TSHZ1: variants seen among roughly 807,000 people sequenced by gnomAD.
TSHZ1 encodes the protein teashirt homolog 1.
Under a neutral mutation model 67.1 loss-of-function variants are expected in TSHZ1, and 12 were observed. The observed-to-expected ratio is 0.18, with a 90% CI of 0.11 to 0.29. TSHZ1 has a LOEUF of 0.29. TSHZ1 is among the 10% of genes least tolerant of loss of function. The probability of loss-of-function intolerance (pLI) is 1.00; values close to 1 mark genes in which losing one functional copy is unlikely to be tolerated. For missense variants in TSHZ1, 1,305 were observed against 1,413.9 expected (o/e 0.92, Z 1.23); for synonymous variants, 632 against 622.4 (o/e 1.02, Z -0.23).
chr18:75,246,271 C>T (rs1178003089), intron 1 of TSHZ1, among the ~76,000 whole-genome samples: 1 of 152,092 alleles, frequency 6.6e-6, no homozygotes, highest in East Asian at 1.9e-4. Context: ...ATGTAGCTAA[C>T]GTGTGTGGCA....
rs1314868541 is a variant in TSHZ1, at chr18:75,211,429, G to C, written c.-448G>C. ...GAGAGGGGGAGAGAAAGTTGCGCTC[G>C]GCGACTCTCGGCTCGCGGAAGAAGG... is the stretch of plus-strand genomic sequence containing the variant. On this transcript the variant is annotated 5_prime_UTR_variant, in exon 1 of 2. Coordinates refer to ENST00000580243, the MANE Select transcript of TSHZ1 (RefSeq NM_001308210.2). 6.6e-6 allele frequency: 1 copy of C among 151,560 alleles called. No homozygotes were observed. Among genetic ancestry groups the C allele is most frequent in the Non-Finnish European group, 1.5e-5 (1 of 67,772 alleles). 9.4% of individuals were successfully genotyped at this position (151,560 alleles called of 1,614,324 possible). A position where few individuals can be genotyped will look rare whatever the true frequency, so the allele number is the denominator to read the frequency against.
intron 1 of TSHZ1, among the ~76,000 whole-genome samples, chr18:75,221,539 GC>G (rs2022845406): frequency 1.3e-5 from 2 of 152,222 alleles, no homozygotes; most frequent in Non-Finnish European, 2.9e-5. Context: ...TGGTTAATAT[GC>G]CTTATTGGCA....
At chr18:75,213,461 G>A (rs191699395) in intron 1 of TSHZ1, among the ~76,000 whole-genome samples, 12 of 152,256 alleles carry the variant, frequency 7.9e-5, no homozygotes, top group African/African-American at 2.9e-4. Context: ...CATTTTCACA[G>A]TTAGAGGGAT....
chr18:75,277,907 G>A (rs1033672576), intron 1 of TSHZ1, among the ~76,000 whole-genome samples: 2 of 152,168 alleles, frequency 1.3e-5, no homozygotes, highest in Non-Finnish European at 2.9e-5. Context: ...TTGTTCCAGT[G>A]GGGAAACCGA....
At chr18:75,258,290 A>G (rs866440961) in intron 1 of TSHZ1, among the ~76,000 whole-genome samples, 1 of 152,162 alleles carries the variant, frequency 6.6e-6, no homozygotes, top group Non-Finnish European at 1.5e-5. Flanking sequence ...TTTATTTTGT[A>G]CTGAAATAAC....
intron 1 of TSHZ1, among the ~76,000 whole-genome samples, chr18:75,222,123 A>G (rs999213852): frequency 6.6e-6 from 1 of 152,156 alleles, no homozygotes; most frequent in Non-Finnish European, 1.5e-5. Context: ...GAAGCCGCGC[A>G]CAAAGGTCTG....
chr18:75,261,417 A>T (rs1010236294), intron 1 of TSHZ1, among the ~76,000 whole-genome samples: 1 of 152,204 alleles, frequency 6.6e-6, no homozygotes, highest in African/African-American at 2.4e-5. Flanking sequence ...GTCAGCTCAT[A>T]CTGGCACCTT....
intron 1 of TSHZ1, among the ~76,000 whole-genome samples, chr18:75,250,036 C>T (rs1294574210): frequency 6.7e-6 from 1 of 150,154 alleles, no homozygotes; most frequent in Non-Finnish European, 1.5e-5. Context: ...TGACTTCCTG[C>T]CTTCCTCCTG....
chr18:75,228,414 T>C (rs55884171), intron 1 of TSHZ1, among the ~76,000 whole-genome samples: 2,518 of 152,332 alleles, frequency 0.017, 80 homozygotes, highest in African/African-American at 0.055. Flanking sequence ...AATGGAGATG[T>C]ACCCCAGAGC....
chr18:75,237,791 CATTTATTTATTT>C (rs1555726446), intron 1 of TSHZ1, among the ~76,000 whole-genome samples: 11 of 143,500 alleles, frequency 7.7e-5, no homozygotes, highest in African/African-American at 3.0e-4. Context: ...TTCTTTCTTT[CATTTATTTATTT>C]ATTTATTTAT....
At position 75,288,163 on chromosome 18, in the gene TSHZ1, C is replaced by T. The variant is rs755066375; in HGVS notation, c.2756C>T (p.Ser919Leu). ...ACCACAGAGGGCAAGTACATCATGT[C>T]GGACTTGGGCCCGCAGGAGAGGGTG... The part of the protein sequence containing the change: ...RETTEGKYIM[S>L]DLGPQERVHI... Residue 919 changes from serine to leucine, a missense_variant, in exon 2 of 2, where the codon TCG becomes TTG. By Grantham distance (145) the Ser-to-Leu change is moderately radical. Around this residue, in one of 3 missense-constraint regions of TSHZ1, gnomAD observed 909 missense variants for 961.8 expected, o/e 0.95. Coordinates refer to ENST00000580243, the MANE Select transcript of TSHZ1 (RefSeq NM_001308210.2). This position sits in a 1 kb window ranked among gnomAD's most constrained non-coding sequence, Gnocchi z 4.9. 8.7e-6 allele frequency: 14 copies of T among 1,614,040 alleles called. No homozygotes were observed. In the South Asian group the frequency reaches 9.9e-5, roughly 11 times the overall value.
intron 1 of TSHZ1, among the ~76,000 whole-genome samples, chr18:75,255,028 A>G (rs1042782072): frequency 1.3e-5 from 2 of 152,208 alleles, no homozygotes; most frequent in Admixed American, 1.3e-4. Context: ...TAAGTATTTT[A>G]TGGACACATT....
chr18:75,232,981 G>T (rs1041124663), intron 1 of TSHZ1, among the ~76,000 whole-genome samples: 7 of 152,180 alleles, frequency 4.6e-5, no homozygotes, highest in African/African-American at 7.2e-5. Flanking sequence ...TGAAGGGACT[G>T]GGGGTCTGTA....
intron 1 of TSHZ1, chr18:75,280,703 G>A (rs1341457474): frequency 1.0e-6 from 1 of 972,650 alleles, no homozygotes; most frequent in Non-Finnish European, 1.2e-6. Context: ...AGCTTAAAGG[G>A]TTGTGAGATT....
At position 75,289,630 on chromosome 18, in the gene TSHZ1, CT is replaced by C. The variant is rs1380945697; in HGVS notation, c.*993del. On this transcript the variant is annotated 3_prime_UTR_variant, in exon 2 of 2. Coordinates refer to ENST00000580243, the MANE Select transcript of TSHZ1 (RefSeq NM_001308210.2). ...TGTACCTTCTGGCTGTATGCTTTCT[CT>C]TTTAACTTTTTATATTGTCATTTTA... 6.0e-6 allele frequency: 1 copy of C among 167,002 alleles called. No homozygotes were observed. Among genetic ancestry groups the C allele is most frequent in the Non-Finnish European group, 1.5e-5 (1 of 68,106 alleles). 10.3% of individuals were successfully genotyped at this position (167,002 alleles called of 1,614,324 possible).
rs193033054 is a variant in TSHZ1, at chr18:75,264,062, C to G, written c.41-21386C>G. On this transcript the variant is annotated intron_variant, in intron 1 of 1. Coordinates refer to ENST00000580243, the MANE Select transcript of TSHZ1 (RefSeq NM_001308210.2). ...GTCCAGAATATCCTTTATGTTTTTT[C>G]TCTTTGCTATAAATGCAGCGTTATT... Among the ~76,000 whole-genome samples the G allele has an allele frequency of 1.2e-3, 184 of 152,290 alleles. No individual in the cohort carries two copies. The Middle Eastern group carries it at 0.02, about 17-fold the overall frequency.
At position 75,288,482 on chromosome 18, in the gene TSHZ1, A is replaced by T; in HGVS notation, c.3075A>T (p.Pro1025=). 1 of 1,614,194 alleles carries T rather than the reference A, an allele frequency of 6.2e-7. No individual in the cohort carries two copies. Residue 1025 remains proline, a synonymous_variant, in exon 2 of 2, where the codon CCA becomes CCT. Coordinates refer to ENST00000580243, the MANE Select transcript of TSHZ1 (RefSeq NM_001308210.2). This position sits in a 1 kb window ranked among gnomAD's most constrained non-coding sequence, Gnocchi z 4.9. The part of the protein sequence containing the change: ...SKVLTNKTLG[P]LGATEEDLGS... ...TCCTCACCAACAAAACTCTGGGCCC[A>T]CTGGGGGCCACCGAGGAAGACTTGG...
intron 1 of TSHZ1, among the ~76,000 whole-genome samples, chr18:75,259,550 A>C (rs1317188217): frequency 6.6e-6 from 1 of 152,170 alleles, no homozygotes; most frequent in African/African-American, 2.4e-5. Context: ...TTGGTTATCA[A>C]ATCAACAGAT....
Position 75,281,139 on chromosome 18 carries a change from A to G in TSHZ1, c.41-4309A>G, listed in dbSNP as rs2023679553. On this transcript the variant is annotated intron_variant, in intron 1 of 1. Coordinates refer to ENST00000580243, the MANE Select transcript of TSHZ1 (RefSeq NM_001308210.2). This position sits in a 1 kb window ranked among gnomAD's most constrained non-coding sequence, Gnocchi z 5.3. ...TTGTCGGGAGCACAGCGTCTGCTGG[A>G]AGGGAGAATGTCACGGACCAGGAGT... is the stretch of plus-strand genomic sequence containing the variant. Among the ~76,000 whole-genome samples the G allele has an allele frequency of 6.6e-6, 1 of 152,130 alleles. No homozygotes were observed. Among genetic ancestry groups the G allele is most frequent in the Non-Finnish European group, 1.5e-5 (1 of 68,024 alleles).
Sources: allele counts gnomAD v4.1 joint callset (sites outside exome capture counted in the v4.1 genomes callset), GRCh38; gene constraint gnomAD v4.1.1; regional missense constraint gnomAD v4.1.1; non-coding constraint Gnocchi (gnomAD v3.1); transcripts MANE v1.5; gene names NCBI Gene and HGNC (gene_info 2026-07-23, HGNC 2026-07-21).